The following NAALADL2 variants were observed in gnomAD, a reference collection of about 807,000 sequenced individuals.
NAALADL2 encodes the protein N-acetylated alpha-linked acidic dipeptidase like 2.
Under a neutral mutation model 87.2 loss-of-function variants are expected in NAALADL2, and 76 were observed. The observed-to-expected ratio is 0.87, with a 90% confidence interval of 0.72 to 1.05. The LOEUF (loss-of-function observed/expected upper bound fraction) is 1.05. NAALADL2 is among the 50% of genes least tolerant of loss of function. The pLI, the probability that NAALADL2 is intolerant of heterozygous loss-of-function variation, is 0.00. For synonymous variants in NAALADL2, 354 were observed against 331.0 expected (o/e 1.07, Z -0.75); for missense variants, 1,089 against 945.8 (o/e 1.15, Z -1.99).
chr3:175,487,615 A>T (rs1297175733), intron 9 of NAALADL2: 3 of 443,326 alleles, frequency 6.8e-6, no homozygotes, highest in Non-Finnish European at 1.3e-5. Flanking sequence ...TAACACACAT[A>T]ATAACCTATG....
At chr3:174,927,013 C>T (rs1420852943) in intron 1 of NAALADL2, among the ~76,000 whole-genome samples, 1 of 143,936 alleles carries the variant, frequency 6.9e-6, no homozygotes, top group African/African-American at 2.6e-5. Flanking sequence ...GGAAGAAGAT[C>T]TACCAAGCAA....
intron 12 of NAALADL2, among the ~76,000 whole-genome samples, chr3:175,754,224 A>G (rs1052493756): frequency 6.6e-6 from 1 of 152,198 alleles, no homozygotes; most frequent in African/African-American, 2.4e-5. Flanking sequence ...TATTACATTC[A>G]TTTTACAGAT....
At chr3:174,847,481 G>A (rs1423957994) in intron 3 of NAALADL2, among the ~76,000 whole-genome samples, 2 of 152,052 alleles carry the variant, frequency 1.3e-5, no homozygotes, top group Non-Finnish European at 2.9e-5. Context: ...TAAAAAATAG[G>A]CTAAACTCAG....
Position 175,092,547 on chromosome 3 carries a change from A to G in NAALADL2, c.44-4243A>G, listed in dbSNP as rs559335482. On this transcript the variant is annotated intron_variant, in intron 1 of 13. Transcript: ENST00000454872. ...CCAGAGATTATATTTTACATATTAAATTTTCATTTTATTTCCATACTTATC... is the reference window on the plus strand; with the variant it reads ...CCAGAGATTATATTTTACATATTAAGTTTTCATTTTATTTCCATACTTATC... Among the ~76,000 whole-genome samples the G allele has an allele frequency of 8.7e-4, 132 of 152,016 alleles. 2 individuals are homozygous for G. The highest frequency in any genetic ancestry group is 4.8e-3 in the Admixed American group (74 of 15,260).
At chr3:174,855,877 C>CATATATATGAATATAT (rs1233960699), upstream of NAALADL2, among the ~76,000 whole-genome samples, 33 of 134,048 alleles carry the variant, frequency 2.5e-4, no homozygotes, top group Non-Finnish European at 3.2e-4. Flanking sequence ...TGTATATATA[C>CATATATATGAATATAT]ATACATATGA....
At chr3:174,884,953 C>G (rs1228386704) in intron 1 of NAALADL2, among the ~76,000 whole-genome samples, 1 of 152,068 alleles carries the variant, frequency 6.6e-6, no homozygotes, top group East Asian at 1.9e-4. Flanking sequence ...TCAGGGGAGG[C>G]CATCACTGTT....
intron 10 of NAALADL2, among the ~76,000 whole-genome samples, chr3:175,602,195 G>A (rs745827187): frequency 6.6e-5 from 10 of 152,040 alleles, no homozygotes; most frequent in Non-Finnish European, 1.5e-4. Context: ...GAAAATAAAA[G>A]ACAAGGCAGA....
intron 1 of NAALADL2, among the ~76,000 whole-genome samples, chr3:175,061,007 T>C (rs1713354434): frequency 1.3e-5 from 2 of 152,180 alleles, no homozygotes; most frequent in Admixed American, 6.5e-5. Context: ...GATCGTGCCA[T>C]TGCACCTCAG....
intron 11 of NAALADL2, among the ~76,000 whole-genome samples, chr3:175,698,399 ATGTG>A (rs1191147785): frequency 2.1e-5 from 2 of 97,104 alleles, no homozygotes; most frequent in Admixed American, 1.9e-4. Flanking sequence ...ATACATATGT[ATGTG>A]TATTTATGTA....
At chr3:175,793,476 A>AT (rs34910826) in intron 13 of NAALADL2, among the ~76,000 whole-genome samples, 6,648 of 145,324 alleles carry the variant, frequency 0.046, 169 homozygotes, top group African/African-American at 0.06. Flanking sequence ...CGCCCGGCTA[A>AT]TTTTTTTTTT....
chr3:174,762,254 C>T (rs897776683), intron 3 of NAALADL2, among the ~76,000 whole-genome samples: 14 of 147,660 alleles, frequency 9.5e-5, no homozygotes, highest in East Asian at 8.1e-4. Flanking sequence ...CCCAGGTTCA[C>T]GCCATTCTCC....
rs1176501986 is a variant in NAALADL2 at position 175,447,262 on chromosome 3, CCTCT to C, written c.1127_1130del (p.Ser376TyrfsTer2). Reference sequence around the variant, plus strand: ...TTTAGACAAAGCCGATCAAACCTCACCTCTCTATTAGTGCAGCCCATCTCTGCAC... The same window carrying C: ...TTTAGACAAAGCCGATCAAACCTCACCTATTAGTGCAGCCCATCTCTGCAC... On this transcript the variant is annotated frameshift_variant, in exon 6 of 14. Coordinates refer to ENST00000454872, the MANE Select transcript of NAALADL2 (RefSeq NM_207015.3). LOFTEE classifies it high-confidence loss of function. The C allele has an allele frequency of 2.5e-6, 4 of 1,602,312 alleles. No individual in the cohort carries two copies. The highest frequency in any genetic ancestry group is 1.1e-5 in the South Asian group (1 of 88,508).
At chr3:174,801,687 C>T (rs1046731288) in intron 3 of NAALADL2, among the ~76,000 whole-genome samples, 10 of 151,804 alleles carry the variant, frequency 6.6e-5, no homozygotes, top group Admixed American at 2.0e-4. Context: ...GTATTTTGAG[C>T]GTTTTTATCA....
chr3:174,619,718 A>G (rs1720818074), intron 2 of NAALADL2, among the ~76,000 whole-genome samples: 1 of 151,912 alleles, frequency 6.6e-6, no homozygotes, highest in South Asian at 2.1e-4. Flanking sequence ...TTCTTAATCT[A>G]TTTGTAACCA....
At chr3:175,299,307 G>GT (rs553141592) in intron 4 of NAALADL2, among the ~76,000 whole-genome samples, 242 of 151,180 alleles carry the variant, frequency 1.6e-3, no homozygotes, top group African/African-American at 5.4e-3. Flanking sequence ...TTTTGTTTTT[G>GT]TTTTTTTTAA....
intron 1 of NAALADL2, among the ~76,000 whole-genome samples, chr3:174,981,317 G>C (rs1745078825): frequency 6.6e-6 from 1 of 152,140 alleles, no homozygotes; most frequent in Non-Finnish European, 1.5e-5. Context: ...TCATAATTAA[G>C]TATGTGAGTG....
At chr3:174,712,315 T>C (rs982639891) in intron 2 of NAALADL2, among the ~76,000 whole-genome samples, 1 of 151,772 alleles carries the variant, frequency 6.6e-6, no homozygotes, top group African/African-American at 2.4e-5. Context: ...ATCCTAATGC[T>C]ATGATAATAA....
At chr3:175,232,575 T>TA (rs1305183044) in intron 2 of NAALADL2, among the ~76,000 whole-genome samples, 2 of 152,082 alleles carry the variant, frequency 1.3e-5, no homozygotes, top group Non-Finnish European at 2.9e-5. Flanking sequence ...AAATAAAAAT[T>TA]AAAAAAATCT....
chr3:175,649,224 A>G (rs1361480495), intron 11 of NAALADL2, among the ~76,000 whole-genome samples: 2 of 152,160 alleles, frequency 1.3e-5, no homozygotes, highest in Non-Finnish European at 2.9e-5. Context: ...ACTACTCATT[A>G]TTCTTTATCA....
Sources: allele counts gnomAD v4.1 joint callset (sites outside exome capture counted in the v4.1 genomes callset), GRCh38; gene constraint gnomAD v4.1.1; transcripts MANE v1.5; gene names NCBI Gene and HGNC (gene_info 2026-07-23, HGNC 2026-07-21).